GPC5: variants seen among roughly 807,000 people sequenced by gnomAD.
The protein encoded by GPC5 is glypican-5.
A neutral mutation model predicts 53.9 loss-of-function variants in GPC5; 47 were observed. That is an observed-to-expected ratio of 0.87 (90% confidence interval 0.69 to 1.11). The LOEUF (loss-of-function observed/expected upper bound fraction) is 1.11, where lower values mean the gene tolerates loss of function less well. Ranked by LOEUF, GPC5 falls within the 50% of genes most tolerant of loss-of-function variation. GPC5 has a pLI of 0.00. For synonymous variants in GPC5, 286 were observed against 263.3 expected (o/e 1.09, Z -0.84); for missense variants, 748 against 713.1 (o/e 1.05, Z -0.56).
At chr13:92,842,384 C>T (rs1219489264) in intron 7 of GPC5, among the ~76,000 whole-genome samples, 1 of 152,016 alleles carries the variant, frequency 6.6e-6, no homozygotes, top group Non-Finnish European at 1.5e-5. Context: ...CAGATGAATG[C>T]TACATATTAG....
At chr13:91,889,723 A>G (rs577783359) in intron 5 of GPC5, among the ~76,000 whole-genome samples, 60 of 152,294 alleles carry the variant, frequency 3.9e-4, no homozygotes, top group African/African-American at 1.4e-3. Flanking sequence ...ATATGCATTG[A>G]GCTTGTATAG....
At chr13:91,648,173 T>G (rs1055450727) in intron 2 of GPC5, among the ~76,000 whole-genome samples, 1 of 152,240 alleles carries the variant, frequency 6.6e-6, no homozygotes, top group Non-Finnish European at 1.5e-5. Flanking sequence ...GATTCCAGGA[T>G]GCTTCCCTTT....
chr13:91,574,067 T>C (rs949737695), intron 2 of GPC5, among the ~76,000 whole-genome samples: 1 of 151,988 alleles, frequency 6.6e-6, no homozygotes, highest in Non-Finnish European at 1.5e-5. Context: ...TACCATATTC[T>C]TTTTTTGTGG....
Position 92,406,262 on chromosome 13 carries a change from T to A in GPC5, c.1561+261273T>A, listed in dbSNP as rs546041353. Among the ~76,000 whole-genome samples the A allele has an allele frequency of 3.9e-5, 6 of 152,340 alleles. 1 individual carries two copies. The highest frequency in any genetic ancestry group is 1.4e-4 in the African/African-American group (6 of 41,588). On this transcript the variant is annotated intron_variant, in intron 7 of 7. Coordinates refer to ENST00000377067, the MANE Select transcript of GPC5 (RefSeq NM_004466.6). ...TAATCAAGGCAATCACCAGGAGAGA[T>A]GCATGTACAGTTAAACTTTGCATTC... is the stretch of plus-strand genomic sequence containing the variant.
At chr13:92,446,755 A>G (rs898280787) in intron 7 of GPC5, 1 of 152,144 alleles carries the variant, frequency 6.6e-6, no homozygotes, top group Non-Finnish European at 1.5e-5. Context: ...CCAACAGTGT[A>G]TGAGGATTAC....
At chr13:92,834,119 G>A (rs74799780) in intron 7 of GPC5, among the ~76,000 whole-genome samples, 2,471 of 152,164 alleles carry the variant, frequency 0.016, 78 homozygotes, top group African/African-American at 0.057. Context: ...CAAATTTAGC[G>A]AGACTCCGTG....
At chr13:91,458,001 G>A (rs1382749011) in intron 2 of GPC5, among the ~76,000 whole-genome samples, 5 of 152,126 alleles carry the variant, frequency 3.3e-5, no homozygotes, top group African/African-American at 4.8e-5. Flanking sequence ...ATACAAGTTA[G>A]GATGTATTAA....
At chr13:92,695,655 G>C (rs992523500) in intron 7 of GPC5, among the ~76,000 whole-genome samples, 3 of 151,408 alleles carry the variant, frequency 2.0e-5, no homozygotes, top group East Asian at 1.9e-4. Flanking sequence ...ACTTTTGGTA[G>C]GACTTATGAA....
intron 6 of GPC5, among the ~76,000 whole-genome samples, chr13:92,010,023 A>G (rs960897463): frequency 7.9e-5 from 12 of 152,218 alleles, no homozygotes; most frequent in African/African-American, 2.9e-4. Context: ...AAAGGAAATA[A>G]TATAAAATGA....
intron 5 of GPC5, among the ~76,000 whole-genome samples, chr13:91,801,913 AC>A (rs1270785667): frequency 6.6e-6 from 1 of 152,132 alleles, no homozygotes; most frequent in Non-Finnish European, 1.5e-5. Flanking sequence ...ACTTCATCAT[AC>A]CACATTCCTA....
intron 7 of GPC5, among the ~76,000 whole-genome samples, chr13:92,166,991 CA>C (rs1267466096): frequency 1.3e-5 from 2 of 148,750 alleles, no homozygotes; most frequent in African/African-American, 5.0e-5. Flanking sequence ...CACACACACA[CA>C]CACATATACA....
intron 7 of GPC5, among the ~76,000 whole-genome samples, chr13:92,705,331 G>T (rs1482390757): frequency 2.6e-5 from 4 of 151,922 alleles, no homozygotes; most frequent in Non-Finnish European, 5.9e-5. Context: ...GTCAAGACAG[G>T]TTATTATGCA....
intron 7 of GPC5, among the ~76,000 whole-genome samples, chr13:92,618,824 C>T (rs1884782538): frequency 6.6e-6 from 1 of 151,752 alleles, no homozygotes; most frequent in Admixed American, 6.6e-5. Context: ...ATGTGTATGT[C>T]CCTATAAAGT....
chr13:91,503,656 T>C (rs534454671), intron 2 of GPC5, among the ~76,000 whole-genome samples: 8 of 151,616 alleles, frequency 5.3e-5, no homozygotes, highest in Non-Finnish European at 1.2e-4. Context: ...GGTGTGTGCC[T>C]GTAATCCCTG....
intron 7 of GPC5, chr13:92,241,858 T>C (rs565451300): frequency 1.3e-5 from 2 of 152,304 alleles, no homozygotes; most frequent in Admixed American, 1.3e-4. Context: ...AAATTTCCTT[T>C]TGGCAACTAA....
At chr13:92,630,471 C>G (rs1424969822) in intron 7 of GPC5, among the ~76,000 whole-genome samples, 1 of 121,970 alleles carries the variant, frequency 8.2e-6, no homozygotes, top group Non-Finnish European at 1.8e-5. Flanking sequence ...TTGGGCAAAA[C>G]CTTTTTAATA....
chr13:92,498,620 C>T (rs1880072228), intron 7 of GPC5, among the ~76,000 whole-genome samples: 1 of 152,224 alleles, frequency 6.6e-6, no homozygotes, highest in Admixed American at 6.5e-5. Context: ...ACCTGACATT[C>T]CTGGTTTGCA....
At chr13:92,474,293 C>T (rs1442145926) in intron 7 of GPC5, among the ~76,000 whole-genome samples, 1 of 151,912 alleles carries the variant, frequency 6.6e-6, no homozygotes, top group African/African-American at 2.4e-5. Context: ...TTGTAATAGG[C>T]CCATCCATCT....
intron 6 of GPC5, among the ~76,000 whole-genome samples, chr13:91,967,422 C>T (rs2040191558): frequency 6.6e-6 from 1 of 151,972 alleles, no homozygotes; most frequent in South Asian, 2.1e-4. Context: ...AAAATATACT[C>T]AGTTAGAAGA....
Sources: gnomAD v4.1 joint callset for allele counts (sites outside exome capture counted in the v4.1 genomes callset) on GRCh38, gnomAD v4.1.1 for gene constraint, MANE v1.5 for transcripts, NCBI Gene and HGNC (gene_info 2026-07-23, HGNC 2026-07-21) for gene names.